UGT1A3: variants seen among roughly 807,000 people sequenced by gnomAD.
UGT1A3 encodes the protein UDP glucuronosyltransferase family 1 member A3.
A neutral mutation model predicts 41.0 loss-of-function variants in UGT1A3; 31 were observed. The ratio of observed to expected loss-of-function variants is 0.76; its 90% confidence interval spans 0.57 to 1.02. UGT1A3 has a LOEUF of 1.02. Ranked by LOEUF, UGT1A3 falls within the 50% of genes least tolerant of loss-of-function variation. The pLI, the probability that UGT1A3 is intolerant of heterozygous loss-of-function variation, is 0.00. For missense variants in UGT1A3, 737 were observed against 671.0 expected, an observed-to-expected ratio of 1.10 and a Z score of -1.09; for synonymous variants, 262 against 257.6, an observed-to-expected ratio of 1.02 and a Z score of -0.17.
chr2:233,743,538 C>T, intron 1 of UGT1A3: 1 of 1,367,252 alleles, frequency 7.3e-7, no homozygotes, highest in Non-Finnish European at 9.8e-7. Flanking sequence ...AGCAGTTCCT[C>T]TGACCCCCCC....
intron 1 of UGT1A3, among the ~76,000 whole-genome samples, chr2:233,749,628 C>A (rs1475485120): frequency 6.6e-6 from 1 of 151,798 alleles, no homozygotes; most frequent in Non-Finnish European, 1.5e-5. Context: ...GGCTCTGTAT[C>A]CCCCACCAAA....
In UGT1A3 at chr2:233,769,723, C is replaced by G. The variant is rs1318643454; in HGVS notation, c.1307+1284C>G. On this transcript the variant is annotated intron_variant, in intron 4 of 4. Coordinates refer to ENST00000482026, the MANE Select transcript of UGT1A3 (RefSeq NM_019093.4). This position sits in a 1 kb window ranked among gnomAD's most constrained non-coding sequence, Gnocchi z 4.4. ...GATCAATGTTGGCTAGGCACCATGG[C>G]ACACGCCTGTAGTCCCAGCCACTCT... The G allele has an allele frequency of 3.1e-5, 46 of 1,484,642 alleles. No individual in the cohort carries two copies. The Middle Eastern group carries it at 1.2e-3, about 39-fold the overall frequency. 92.0% of individuals were successfully genotyped at this position (1,484,642 alleles called of 1,614,324 possible).
In UGT1A3 at chr2:233,741,128, AAC is replaced by A. The variant is rs200537082; in HGVS notation, c.867+11138_867+11139del. The stretch of plus-strand genomic sequence containing the variant: ...TCAAGCTTTACACTTCTATAAAAGC[AAC>A]ACTTTCCATTTATGACAGCACTAAT... On this transcript the variant is annotated intron_variant, in intron 1 of 4. Coordinates refer to ENST00000482026, the MANE Select transcript of UGT1A3 (RefSeq NM_019093.4). Among the ~76,000 whole-genome samples, 1,292 of 152,018 alleles carry A rather than the reference AAC, an allele frequency of 8.5e-3. 44 individuals carry two copies. The highest frequency in any genetic ancestry group is 0.053 in the Admixed American group (810 of 15,284).
At chr2:233,755,106 A>C in intron 1 of UGT1A3, 1 of 1,334,076 alleles carries the variant, frequency 7.5e-7, no homozygotes, top group Non-Finnish European at 1.0e-6. Flanking sequence ...GTCCGACAAC[A>C]CCTCGTAGGC....
At chr2:233,762,807 C>T (rs1458193268) in intron 1 of UGT1A3, among the ~76,000 whole-genome samples, 1 of 151,450 alleles carries the variant, frequency 6.6e-6, no homozygotes, top group Non-Finnish European at 1.5e-5. Context: ...GCTATCTCAT[C>T]AAAATATTGA....
At position 233,768,249 on chromosome 2, in the gene UGT1A3, C is replaced by T. The variant is rs1699594140; in HGVS notation, c.1117C>T (p.His373Tyr). ...CCCGATGACCCGTGCCTTTATCACC[C>T]ATGCTGGTTCCCATGGTGTTTATGA... Reference protein sequence around the residue: ...GHPMTRAFITHAGSHGVYESI... With the variant: ...GHPMTRAFITYAGSHGVYESI... Residue 373 changes from histidine to tyrosine, a missense_variant, in exon 4 of 5, where the codon CAT (histidine) becomes TAT (tyrosine). His to Tyr is a moderately conservative substitution (Grantham distance 83). Transcript: ENST00000482026. The T allele has an allele frequency of 6.2e-7, 1 of 1,614,198 alleles. No homozygotes were observed. The highest frequency in any genetic ancestry group is 8.5e-7 in the Non-Finnish European group (1 of 1,180,036).
intron 1 of UGT1A3, chr2:233,747,491 G>T: frequency 6.2e-7 from 1 of 1,608,968 alleles, no homozygotes; most frequent in Non-Finnish European, 8.5e-7. Context: ...ATCGCCTTGT[G>T]CTGGGCCACA....
chr2:233,766,888 A>G, intron 1 of UGT1A3, 146 bp from the exon 2 acceptor site: 1 of 1,462,694 alleles, frequency 6.8e-7, no homozygotes. Flanking sequence ...TGTAAAACTT[A>G]CATATTAATA....
intron 1 of UGT1A3, 27 bp from the exon 2 acceptor site, chr2:233,767,007 A>T: frequency 6.2e-7 from 1 of 1,613,842 alleles, no homozygotes; most frequent in Non-Finnish European, 8.5e-7. Flanking sequence ...AGAAAAAATT[A>T]ACTGAAAATT....
At chr2:233,747,182 T>C (rs1414882979) in intron 1 of UGT1A3, 87 of 1,602,200 alleles carry the variant, frequency 5.4e-5, no homozygotes, top group South Asian at 4.3e-4. Flanking sequence ...CAGCGTGGGG[T>C]GGACAGTCAG....
Position 233,769,801 on chromosome 2 carries a change from G to A in UGT1A3, c.1307+1362G>A, listed in dbSNP as rs1699941339. 2 of 1,172,742 alleles carry A rather than the reference G, an allele frequency of 1.7e-6. No individual in the cohort carries two copies. The highest frequency in any genetic ancestry group is 1.6e-5 in the African/African-American group (1 of 64,090). 72.6% of individuals were successfully genotyped at this position (1,172,742 alleles called of 1,614,324 possible). ...GCCCAGAAGTTGGAGGCTGCTATGA[G>A]CCGTGATCATGCCACTGCACTCCAG... On this transcript the variant is annotated intron_variant, in intron 4 of 4. Coordinates refer to ENST00000482026, the MANE Select transcript of UGT1A3 (RefSeq NM_019093.4). This position sits in a 1 kb window ranked among gnomAD's most constrained non-coding sequence, Gnocchi z 4.4.
At chr2:233,745,739 A>G (rs1329170032) in intron 1 of UGT1A3, among the ~76,000 whole-genome samples, 2 of 141,886 alleles carry the variant, frequency 1.4e-5, no homozygotes, top group African/African-American at 2.7e-5. Flanking sequence ...AGGCAGAGGG[A>G]GGGGGCAAGC....
chr2:233,732,212 T>G (rs2078250632), intron 1 of UGT1A3, among the ~76,000 whole-genome samples: 1 of 152,238 alleles, frequency 6.6e-6, no homozygotes. Flanking sequence ...ATGGGTAGAT[T>G]GCAAAAATTT....
intron 1 of UGT1A3, among the ~76,000 whole-genome samples, chr2:233,745,061 T>C (rs115414076): frequency 0.034 from 5,145 of 151,980 alleles, 165 homozygotes; most frequent in African/African-American, 0.052. Context: ...TTATTTGTAT[T>C]ATTTGTATTG....
chr2:233,754,665 AT>A (rs752229414), intron 1 of UGT1A3: 3 of 465,408 alleles, frequency 6.4e-6, no homozygotes, highest in South Asian at 1.5e-5. Flanking sequence ...CTTGGTGGTG[AT>A]TTTTTTACCA....
chr2:233,730,223 A>G (rs144120008), intron 1 of UGT1A3, among the ~76,000 whole-genome samples: 2 of 152,266 alleles, frequency 1.3e-5, no homozygotes, highest in Non-Finnish European at 2.9e-5. Flanking sequence ...AATGTTTGTA[A>G]AAGGATGGAC....
Position 233,729,725 on chromosome 2 carries a change from C to G in UGT1A3, c.599C>G (p.Thr200Ser), listed in dbSNP as rs780989099. The G allele has an allele frequency of 1.1e-5, 18 of 1,613,850 alleles. No homozygotes were observed. Among genetic ancestry groups the G allele is most frequent in the Non-Finnish European group, 1.4e-5 (16 of 1,179,868 alleles). ...TCCTATATTCCTAGATTACTAACAACCAATTCAGACCACATGACATTCATG... is the reference window on the plus strand; with the variant it reads ...TCCTATATTCCTAGATTACTAACAAGCAATTCAGACCACATGACATTCATG... ...PSSYIPRLLT[T>S]NSDHMTFMQR... The change falls in exon 1 of 5, where the codon ACC becomes AGC. Residue 200 changes from threonine to serine, a missense_variant. Thr to Ser is a moderately conservative substitution (Grantham distance 58). Transcript: ENST00000482026.
intron 1 of UGT1A3, among the ~76,000 whole-genome samples, chr2:233,741,230 C>T (rs1691594926): frequency 6.6e-6 from 1 of 151,876 alleles, no homozygotes; most frequent in Non-Finnish European, 1.5e-5. Flanking sequence ...AGACCCACTA[C>T]CTCTGAGTGA....
chr2:233,729,088 C>T lies in UGT1A3; in HGVS notation c.-39C>T, dbSNP rs369653208. ...AAGAAAGCAAATGTAGCAGGCACAG[C>T]GTGGGGTGGACAGTCAGCTGTCCGT... is the stretch of plus-strand genomic sequence containing the variant. On this transcript the variant is annotated 5_prime_UTR_variant, in exon 1 of 5. Coordinates refer to ENST00000482026, the MANE Select transcript of UGT1A3 (RefSeq NM_019093.4). 1.2e-5 allele frequency: 20 copies of T among 1,612,314 alleles called. No individual in the cohort carries two copies. The highest frequency in any genetic ancestry group is 8.0e-5 in the African/African-American group (6 of 74,884).
Sources: gnomAD v4.1 joint callset for allele counts (sites outside exome capture counted in the v4.1 genomes callset) on GRCh38, gnomAD v4.1.1 for gene constraint, Gnocchi (gnomAD v3.1) non-coding constraint, MANE v1.5 for transcripts, NCBI Gene and HGNC (gene_info 2026-07-23, HGNC 2026-07-21) for gene names.